The following SGCZ variants were observed in gnomAD, a reference collection of about 807,000 sequenced individuals.
The protein encoded by SGCZ is zeta-sarcoglycan.
Under a neutral mutation model 41.3 loss-of-function variants are expected in SGCZ, and 40 were observed. The observed-to-expected ratio is 0.97, with a 90% CI of 0.75 to 1.26. The LOEUF (loss-of-function observed/expected upper bound fraction) is 1.26. SGCZ is among the 50% of genes most tolerant of loss of function. The pLI is 0.00. For missense variants in SGCZ, 552 were observed against 369.8 expected (o/e 1.49, Z -4.04); for synonymous variants, 206 against 137.5 (o/e 1.50, Z -3.49).
At chr8:14,443,849 G>C (rs913741082) in intron 2 of SGCZ, among the ~76,000 whole-genome samples, 6 of 152,126 alleles carry the variant, frequency 3.9e-5, no homozygotes, top group Non-Finnish European at 8.8e-5. Flanking sequence ...CACAGCAAAA[G>C]AAACTAACAT....
Position 14,837,337 on chromosome 8 carries a change from C to G in SGCZ, c.40-282411G>C, listed in dbSNP as rs114814081. ...GAAAGGTGTACCAGGCAAAGGGAAT[C>G]GCAAATGAGATATTCTACGAGAAAA... On this transcript the variant is annotated intron_variant, in intron 1 of 7. Coordinates refer to ENST00000382080, the MANE Select transcript of SGCZ (RefSeq NM_139167.4). 3.9e-3 allele frequency among the ~76,000 whole-genome samples: 591 copies of G among 152,294 alleles called. 3 individuals carry two copies. The highest frequency in any genetic ancestry group is 0.014 in the African/African-American group (570 of 41,558).
chr8:14,661,362 G>GA (rs540375503), intron 1 of SGCZ, among the ~76,000 whole-genome samples: 8 of 151,988 alleles, frequency 5.3e-5, no homozygotes, highest in Middle Eastern at 3.4e-3. Flanking sequence ...TAGAAAATAT[G>GA]AAAAAAATGT....
At chr8:14,415,790 G>A (rs1464148123) in intron 2 of SGCZ, among the ~76,000 whole-genome samples, 1 of 152,024 alleles carries the variant, frequency 6.6e-6, no homozygotes, top group Non-Finnish European at 1.5e-5. Flanking sequence ...ACGAAAGTGT[G>A]CATGAAATTG....
chr8:14,157,630 G>T (rs1238662251), intron 5 of SGCZ, among the ~76,000 whole-genome samples: 1 of 151,600 alleles, frequency 6.6e-6, no homozygotes, highest in Non-Finnish European at 1.5e-5. Flanking sequence ...TAAAAAAGAA[G>T]AATGTTGAAA....
In SGCZ at chr8:15,107,938, T is replaced by A. The variant is rs77640706; in HGVS notation, c.39+129647A>T. ...TTGAATAGGCTTGAACAAATCATTA[T>A]AAGTTTGTAAGTTCTTTAATTCACC... On this transcript the variant is annotated intron_variant, in intron 1 of 7. Coordinates refer to ENST00000382080, the MANE Select transcript of SGCZ (RefSeq NM_139167.4). 1.7e-3 allele frequency among the ~76,000 whole-genome samples: 260 copies of A among 152,326 alleles called. 1 individual carries two copies. Among genetic ancestry groups the A allele is most frequent in the African/African-American group, 5.7e-3 (238 of 41,572 alleles).
intron 1 of SGCZ, among the ~76,000 whole-genome samples, chr8:14,950,490 C>T (rs1249257452): frequency 6.6e-6 from 1 of 151,990 alleles, no homozygotes; most frequent in Non-Finnish European, 1.5e-5. Context: ...AGACCAAGCA[C>T]TGAATATCTT....
At chr8:14,800,873 C>T (rs2034349062) in intron 1 of SGCZ, among the ~76,000 whole-genome samples, 1 of 151,314 alleles carries the variant, frequency 6.6e-6, no homozygotes, top group African/African-American at 2.4e-5. Context: ...ATGCTAGTCT[C>T]ACTCATATAC....
At chr8:14,883,825 G>A (rs1235470965) in intron 1 of SGCZ, among the ~76,000 whole-genome samples, 2 of 104,218 alleles carry the variant, frequency 1.9e-5, no homozygotes, top group Admixed American at 1.1e-4. Flanking sequence ...CTATTTTGCT[G>A]TTGTTGTTGT....
intron 1 of SGCZ, among the ~76,000 whole-genome samples, chr8:14,764,962 A>T (rs191900967): frequency 1.2e-4 from 19 of 152,322 alleles, no homozygotes; most frequent in Admixed American, 7.8e-4. Flanking sequence ...GTAAAGGGTG[A>T]CTGTTGTACT....
At chr8:15,164,482 C>T (rs1799597034) in intron 1 of SGCZ, among the ~76,000 whole-genome samples, 2 of 152,098 alleles carry the variant, frequency 1.3e-5, no homozygotes, top group Admixed American at 1.3e-4. Context: ...CTGGAGCCCT[C>T]CCCAGCCCAG....
intron 1 of SGCZ, among the ~76,000 whole-genome samples, chr8:14,582,946 G>C (rs1347729613): frequency 6.6e-6 from 1 of 151,858 alleles, no homozygotes; most frequent in Non-Finnish European, 1.5e-5. Context: ...CTTTGCTATG[G>C]TGAATAGTGC....
At chr8:14,723,411 C>T (rs1809953205) in intron 1 of SGCZ, among the ~76,000 whole-genome samples, 1 of 152,132 alleles carries the variant, frequency 6.6e-6, no homozygotes, top group South Asian at 2.1e-4. Flanking sequence ...TGCAGAGGAC[C>T]CTCACATGTC....
intron 1 of SGCZ, among the ~76,000 whole-genome samples, chr8:15,097,023 C>T (rs1005828735): frequency 2.6e-5 from 4 of 151,996 alleles, no homozygotes; most frequent in African/African-American, 9.7e-5. Context: ...CACTGTGTTG[C>T]CCAAGCTTGT....
At chr8:14,654,028 G>A (rs1466173043) in intron 1 of SGCZ, among the ~76,000 whole-genome samples, 1 of 152,016 alleles carries the variant, frequency 6.6e-6, no homozygotes, top group Non-Finnish European at 1.5e-5. Context: ...TTAGGACAAT[G>A]CATGATGGAG....
chr8:14,367,210 C>T (rs1363750525), intron 2 of SGCZ, among the ~76,000 whole-genome samples: 2 of 152,050 alleles, frequency 1.3e-5, no homozygotes, highest in Non-Finnish European at 2.9e-5. Flanking sequence ...GTCACCTTTG[C>T]TCCAGTTTCC....
At chr8:15,079,325 C>G (rs1805657932) in intron 1 of SGCZ, among the ~76,000 whole-genome samples, 1 of 152,138 alleles carries the variant, frequency 6.6e-6, no homozygotes, top group Non-Finnish European at 1.5e-5. Context: ...TATCTGTTGT[C>G]TTTATATCTG....
intron 1 of SGCZ, among the ~76,000 whole-genome samples, chr8:14,818,873 A>G (rs1344981813): frequency 6.6e-6 from 1 of 152,116 alleles, no homozygotes; most frequent in South Asian, 2.1e-4. Context: ...TAATCTAGTG[A>G]TGGGGGCAAA....
At chr8:14,998,523 A>T (rs1450307430) in intron 1 of SGCZ, among the ~76,000 whole-genome samples, 1 of 130,890 alleles carries the variant, frequency 7.6e-6, no homozygotes, top group African/African-American at 2.8e-5. Context: ...TCAAACAGTT[A>T]ACTTTTTCTT....
intron 2 of SGCZ, among the ~76,000 whole-genome samples, chr8:14,436,241 C>G (rs1800087517): frequency 6.6e-6 from 1 of 152,110 alleles, no homozygotes; most frequent in South Asian, 2.1e-4. Flanking sequence ...CAGACCCTGG[C>G]GATGAGCCTC....
Sources: allele counts gnomAD v4.1 joint callset (sites outside exome capture counted in the v4.1 genomes callset), GRCh38; gene constraint gnomAD v4.1.1; transcripts MANE v1.5; gene names NCBI Gene and HGNC (gene_info 2026-07-23, HGNC 2026-07-21).